Variants in CACNA2D3 observed in about 807,000 individuals in gnomAD.
The protein encoded by CACNA2D3 is voltage-dependent calcium channel subunit alpha-2/delta-3.
CACNA2D3 carries 60 observed loss-of-function variants against 160.6 expected under a neutral mutation model. That is an observed-to-expected ratio of 0.37 (90% CI 0.30 to 0.46). The LOEUF is 0.46. Ranked by LOEUF, CACNA2D3 falls within the 20% of genes least tolerant of loss-of-function variation. The pLI is 1.00. For synonymous variants in CACNA2D3, 558 were observed against 492.9 expected (o/e 1.13, Z -1.75); for missense variants, 1,205 against 1,365.0 (o/e 0.88, Z 1.85).
chr3:54,341,074 G>T (rs543469713), intron 3 of CACNA2D3, among the ~76,000 whole-genome samples: 1 of 152,196 alleles, frequency 6.6e-6, no homozygotes, highest in African/African-American at 2.4e-5. Flanking sequence ...TTCTTCTGGT[G>T]TCTGTTCAAA....
chr3:54,682,286 C>A (rs1204708837), intron 11 of CACNA2D3, among the ~76,000 whole-genome samples: 2 of 151,976 alleles, frequency 1.3e-5, no homozygotes, highest in African/African-American at 4.8e-5. Flanking sequence ...ACTTAAAGTT[C>A]TTCTTTATGT....
chr3:54,775,273 G>A lies in CACNA2D3; in HGVS notation c.1380+10922G>A, dbSNP rs535582347. On this transcript the variant is annotated intron_variant, in intron 13 of 37. Transcript: ENST00000474759. Reference sequence around the variant, plus strand: ...TTGGTAGAATCCGAAACCAATCCACGCCTAAGATCATGTACCACATCAGCA... The same window carrying A: ...TTGGTAGAATCCGAAACCAATCCACACCTAAGATCATGTACCACATCAGCA... Among the ~76,000 whole-genome samples, 14 of 152,186 alleles carry A rather than the reference G, an allele frequency of 9.2e-5. 1 individual carries two copies. The South Asian group carries it at 2.5e-3, about 27-fold the overall frequency.
chr3:54,233,814 A>C (rs114634066), intron 2 of CACNA2D3, among the ~76,000 whole-genome samples: 1 of 152,170 alleles, frequency 6.6e-6, no homozygotes, highest in African/African-American at 2.4e-5. Flanking sequence ...TTTATTTTCA[A>C]TTGTCTTGTA....
intron 2 of CACNA2D3, among the ~76,000 whole-genome samples, chr3:54,219,382 G>T (rs901544679): frequency 6.6e-6 from 1 of 152,156 alleles, no homozygotes; most frequent in Non-Finnish European, 1.5e-5. Flanking sequence ...CATTTGGGCT[G>T]GGATTCCTGC....
chr3:54,999,022 A>G (rs1447616257), intron 31 of CACNA2D3, among the ~76,000 whole-genome samples: 1 of 152,188 alleles, frequency 6.6e-6, no homozygotes, highest in East Asian at 1.9e-4. Context: ...CTGGGATTAC[A>G]GGCGTGAGCC....
At chr3:54,401,722 C>G (rs1027221766) in intron 4 of CACNA2D3, among the ~76,000 whole-genome samples, 2 of 152,106 alleles carry the variant, frequency 1.3e-5, no homozygotes, top group Non-Finnish European at 1.5e-5. Flanking sequence ...GAATTTATCA[C>G]CACTAAACCC....
intron 11 of CACNA2D3, among the ~76,000 whole-genome samples, chr3:54,732,225 C>T (rs1701405118): frequency 6.6e-6 from 1 of 152,234 alleles, no homozygotes; most frequent in Non-Finnish European, 1.5e-5. Flanking sequence ...GTGCGAAGCA[C>T]ACAGGGCAGA....
At chr3:54,381,465 A>G (rs982461734) in intron 3 of CACNA2D3, among the ~76,000 whole-genome samples, 3 of 152,248 alleles carry the variant, frequency 2.0e-5, no homozygotes, top group African/African-American at 7.2e-5. Context: ...TGTTAAGCCA[A>G]AATGGCCAGG....
At chr3:54,965,963 A>C (rs1388793866) in intron 27 of CACNA2D3, among the ~76,000 whole-genome samples, 1 of 152,070 alleles carries the variant, frequency 6.6e-6, no homozygotes, top group East Asian at 1.9e-4. Context: ...GATTAATGGG[A>C]TGGAGGGACT....
chr3:55,071,378 A>G (rs944569852), intron 35 of CACNA2D3, among the ~76,000 whole-genome samples: 4 of 152,158 alleles, frequency 2.6e-5, no homozygotes, highest in Non-Finnish European at 5.9e-5. Flanking sequence ...ATGTGTCTGT[A>G]GGGGGTGTTT....
chr3:54,928,928 G>A (rs866422707), intron 27 of CACNA2D3, among the ~76,000 whole-genome samples: 4 of 152,080 alleles, frequency 2.6e-5, no homozygotes, highest in East Asian at 3.9e-4. Context: ...GACTGGAACC[G>A]TTTCTTTGAA....
intron 4 of CACNA2D3, among the ~76,000 whole-genome samples, chr3:54,450,646 C>G (rs1350941226): frequency 2.6e-5 from 4 of 152,116 alleles, no homozygotes; most frequent in Non-Finnish European, 4.4e-5. Context: ...TCTCTTGCTT[C>G]CTCTCTCAGC....
rs143305703 is a variant in CACNA2D3 at position 54,787,066 on chromosome 3, C to T, written c.1380+22715C>T. ...GAAAACGATCAAATTTTACCATTCC[C>T]ACATGTTTCAGAGCTTTTCCCTTCT... On this transcript the variant is annotated intron_variant, in intron 13 of 37. Coordinates refer to ENST00000474759, the MANE Select transcript of CACNA2D3 (RefSeq NM_018398.3). Among the ~76,000 whole-genome samples, 1,324 of 152,312 alleles carry T rather than the reference C, an allele frequency of 8.7e-3. 7 individuals are homozygous for T. Among genetic ancestry groups the T allele is most frequent in the Non-Finnish European group, 0.015 (1,008 of 68,028 alleles).
chr3:54,296,676 G>A (rs1364898617), intron 2 of CACNA2D3, among the ~76,000 whole-genome samples: 1 of 152,174 alleles, frequency 6.6e-6, no homozygotes, highest in Non-Finnish European at 1.5e-5. Context: ...AATAAAAAGA[G>A]AGGCTGCCGT....
intron 4 of CACNA2D3, among the ~76,000 whole-genome samples, chr3:54,401,233 C>T (rs1184333532): frequency 2.0e-5 from 3 of 152,110 alleles, no homozygotes; most frequent in Admixed American, 6.5e-5. Flanking sequence ...TGAAGACAGT[C>T]TGCAGAACTT....
chr3:54,876,246 T>C (rs1430019226), intron 18 of CACNA2D3: 2 of 152,168 alleles, frequency 1.3e-5, no homozygotes, highest in Non-Finnish European at 2.9e-5. Flanking sequence ...TCTGCCGTCT[T>C]ACAACCTAGG....
At chr3:54,969,702 G>T in intron 28 of CACNA2D3, 98 bp from the exon 29 acceptor site, 2 of 905,574 alleles carry the variant, frequency 2.2e-6, no homozygotes, top group Non-Finnish European at 3.5e-6. Context: ...CCATGACTTG[G>T]ATAGCTTGTC....
At chr3:54,279,144 C>A (rs1052409875) in intron 2 of CACNA2D3, among the ~76,000 whole-genome samples, 1 of 152,174 alleles carries the variant, frequency 6.6e-6, no homozygotes, top group African/African-American at 2.4e-5. Flanking sequence ...GAGGCTCCAA[C>A]GATGGAGAGA....
At chr3:54,775,512 A>G (rs1024917410) in intron 13 of CACNA2D3, among the ~76,000 whole-genome samples, 2 of 152,170 alleles carry the variant, frequency 1.3e-5, no homozygotes, top group African/African-American at 2.4e-5. Flanking sequence ...TAGTATTCTA[A>G]GTAATCAGGT....
Sources: gnomAD v4.1 joint callset for allele counts (sites outside exome capture counted in the v4.1 genomes callset) on GRCh38, gnomAD v4.1.1 for gene constraint, MANE v1.5 for transcripts, NCBI Gene and HGNC (gene_info 2026-07-23, HGNC 2026-07-21) for gene names.